The following POR variants were observed in gnomAD, a reference collection of about 807,000 sequenced individuals.
POR encodes the protein NADPH--cytochrome P450 reductase.
In POR, 56 loss-of-function variants were observed where a neutral mutation model predicts 84.0. The ratio of observed to expected loss-of-function variants is 0.67; its 90% CI spans 0.54 to 0.83. POR has a LOEUF of 0.83. Among genes scored for constraint, POR ranks in the 40% least tolerant of loss-of-function variants. The pLI, the probability that POR is intolerant of heterozygous loss-of-function variation, is 0.00. For synonymous variants in POR, 414 were observed against 400.5 expected, an observed-to-expected ratio of 1.03 and a Z score of -0.40; for missense variants, 938 against 944.3, an observed-to-expected ratio of 0.99 and a Z score of 0.09.
At position 75,985,784 on chromosome 7, in the gene POR, G is replaced by A. The variant is rs369337811; in HGVS notation, c.1604G>A (p.Gly535Asp). The change falls in exon 13 of 16, where the codon GGC becomes GAC. Residue 535 changes from glycine to aspartate, a missense_variant. Physicochemically the swap from Gly to Asp is moderately conservative, Grantham distance 94 (BLOSUM62 -1). Coordinates refer to ENST00000461988, the MANE Select transcript of POR (RefSeq NM_000941.3). ...GCCACCACGCCTGTCATCATGGTGG[G>A]CCCCGGCACCGGGGTGGCACCCTTC... The A allele has an allele frequency of 1.9e-6, 3 of 1,572,346 alleles. No homozygotes were observed. The African/African-American group carries it at 4.1e-5, about 21-fold the overall frequency.
intron 3 of POR, chr7:75,972,742 C>T: frequency 1.9e-6 from 1 of 516,442 alleles, no homozygotes; most frequent in African/African-American, 1.9e-5. Context: ...TCCCGTCTGG[C>T]CCTGGCCTGT....
At chr7:75,941,748 C>T (rs969904376) in intron 1 of POR, among the ~76,000 whole-genome samples, 7 of 151,998 alleles carry the variant, frequency 4.6e-5, no homozygotes, top group South Asian at 2.1e-4. Flanking sequence ...GAGGCCAAGG[C>T]GGGAGAATTG....
intron 5 of POR, 22 bp downstream of exon 5, chr7:75,980,510 A>C (rs72555504): frequency 6.2e-7 from 1 of 1,612,506 alleles, no homozygotes; most frequent in Non-Finnish European, 8.5e-7. Flanking sequence ...AGAGACTGCT[A>C]TGGGCTCCCG....
chr7:75,943,560 C>T (rs1004147314), intron 1 of POR, among the ~76,000 whole-genome samples: 3 of 152,176 alleles, frequency 2.0e-5, no homozygotes, highest in African/African-American at 4.8e-5. Context: ...ATATAGTGAA[C>T]AACCATAGGC....
intron 3 of POR, among the ~76,000 whole-genome samples, chr7:75,973,287 C>T (rs1364914336): frequency 6.6e-6 from 1 of 152,110 alleles, no homozygotes; most frequent in African/African-American, 2.4e-5. Flanking sequence ...GTAAAACAAA[C>T]AGAGACTCTT....
intron 2 of POR, chr7:75,968,424 C>A: frequency 2.6e-6 from 1 of 379,532 alleles, no homozygotes; most frequent in South Asian, 1.9e-5. Flanking sequence ...AGGAAGGCCT[C>A]ATGCACCCTC....
At chr7:75,978,479 TACC>T (rs1332934805) in intron 3 of POR, among the ~76,000 whole-genome samples, 2 of 152,158 alleles carry the variant, frequency 1.3e-5, no homozygotes, top group Non-Finnish European at 2.9e-5. Context: ...TACACACAAA[TACC>T]ACATCATTTT....
In POR at chr7:75,984,942, C is replaced by T. The variant is rs1554558814; in HGVS notation, c.1232C>T (p.Ser411Phe). The change falls in exon 11 of 16, where the codon TCC (serine) becomes TTC (phenylalanine). Residue 411 changes from serine (S) to phenylalanine (F), a missense_variant. Ser to Phe is a radical substitution (Grantham distance 155). Coordinates refer to ENST00000461988, the MANE Select transcript of POR (RefSeq NM_000941.3). ...GAGCTGCTGCGCAAGATGGCCTCCT[C>T]CTCCGGCGAGGGCAAGGTGCGCCCC... 2 of 1,597,320 alleles carry T rather than the reference C, an allele frequency of 1.3e-6. No individual in the cohort carries two copies. The highest frequency in any genetic ancestry group is 1.7e-6 in the Non-Finnish European group (2 of 1,169,158).
intron 1 of POR, among the ~76,000 whole-genome samples, chr7:75,917,634 A>G (rs1178544128): frequency 2.0e-5 from 3 of 151,372 alleles, no homozygotes; most frequent in African/African-American, 7.3e-5. Context: ...AGAAATGACA[A>G]TTTTCTTTTC....
Position 75,980,477 on chromosome 7 carries a change from G to T in POR, c.505G>T (p.Val169Phe). The T allele has an allele frequency of 1.9e-6, 3 of 1,612,964 alleles. No homozygotes were observed. The highest frequency in any genetic ancestry group is 2.5e-6 in the Non-Finnish European group (3 of 1,179,826). Residue 169 changes from valine to phenylalanine, a missense_variant, in exon 5 of 16, where the codon GTC becomes TTC. Coordinates refer to ENST00000461988, the MANE Select transcript of POR (RefSeq NM_000941.3). The stretch of plus-strand genomic sequence containing the variant: ...GGAGACAGACGTGGATCTCTCTGGG[G>T]TCAAGTTCGCGGTGAGTCACCCAGA...
At chr7:75,939,536 CTTTTT>C (rs3043448) in intron 1 of POR, among the ~76,000 whole-genome samples, 1,653 of 126,098 alleles carry the variant, frequency 0.013, 30 homozygotes, top group African/African-American at 0.04. Flanking sequence ...TACTCAACAG[CTTTTT>C]TTTTTTTTTT....
intron 2 of POR, among the ~76,000 whole-genome samples, chr7:75,970,748 CAA>C (rs1272432496): frequency 4.0e-5 from 5 of 123,748 alleles, no homozygotes; most frequent in Non-Finnish European, 1.7e-5. Flanking sequence ...GACTCCATCT[CAA>C]AAAAAAAAAA....
chr7:75,923,957 G>C (rs1806995800), intron 1 of POR, among the ~76,000 whole-genome samples: 2 of 152,042 alleles, frequency 1.3e-5, no homozygotes, highest in South Asian at 2.1e-4. Flanking sequence ...TCACAGTCCA[G>C]TTCCAAGGAA....
chr7:75,940,331 C>T (rs1554551357), intron 1 of POR, among the ~76,000 whole-genome samples: 1 of 151,826 alleles, frequency 6.6e-6, no homozygotes, highest in African/African-American at 2.4e-5. Flanking sequence ...AGGTGATCCA[C>T]CTGCCTCAGC....
At chr7:75,967,644 CT>C (rs11387286) in intron 2 of POR, among the ~76,000 whole-genome samples, 62 of 146,310 alleles carry the variant, frequency 4.2e-4, no homozygotes, top group African/African-American at 7.3e-4. Flanking sequence ...ACATGACTTC[CT>C]TTTTTTTTTT....
chr7:75,919,314 C>T (rs543412219), intron 1 of POR, among the ~76,000 whole-genome samples: 2 of 151,920 alleles, frequency 1.3e-5, no homozygotes, highest in South Asian at 2.1e-4. Context: ...CCTCCCCAAG[C>T]GAGATGTTTA....
At chr7:75,951,745 G>T (rs1306550339) in intron 1 of POR, among the ~76,000 whole-genome samples, 1 of 152,240 alleles carries the variant, frequency 6.6e-6, no homozygotes, top group Non-Finnish European at 1.5e-5. Context: ...TTGCAAAATG[G>T]AATAGTGTGA....
intron 1 of POR, among the ~76,000 whole-genome samples, chr7:75,936,187 T>C (rs1554550804): frequency 7.0e-6 from 1 of 143,844 alleles, no homozygotes; most frequent in East Asian, 2.2e-4. Flanking sequence ...CTCTGCAGCC[T>C]CTAACTCCCG....
At chr7:75,977,655 G>A (rs1788757732) in intron 3 of POR, among the ~76,000 whole-genome samples, 1 of 152,192 alleles carries the variant, frequency 6.6e-6, no homozygotes, top group Non-Finnish European at 1.5e-5. Context: ...GTGGGTGCCT[G>A]TAATCCCAGC....
Sources: gnomAD v4.1 joint callset for allele counts (sites outside exome capture counted in the v4.1 genomes callset) on GRCh38, gnomAD v4.1.1 for gene constraint, MANE v1.5 for transcripts, NCBI Gene and HGNC (gene_info 2026-07-23, HGNC 2026-07-21) for gene names.